The following AMOTL1 variants were observed in gnomAD, a reference collection of about 807,000 sequenced individuals.
AMOTL1 encodes the protein angiomotin-like protein 1.
In AMOTL1, 45 loss-of-function variants were observed where a neutral mutation model predicts 102.9. The observed-to-expected ratio is 0.44, with a 90% CI of 0.34 to 0.56. AMOTL1 has a LOEUF of 0.56. Among genes scored for constraint, AMOTL1 ranks in the 20% least tolerant of loss-of-function variants. The pLI, the probability that AMOTL1 is intolerant of heterozygous loss-of-function variation, is 0.01. For missense variants in AMOTL1, 1,114 were observed against 1,225.6 expected (o/e 0.91, Z 1.36); for synonymous variants, 481 against 484.7 (o/e 0.99, Z 0.10).
Position 94,859,615 on chromosome 11 carries a change from G to A in AMOTL1, c.2035G>A (p.Ala679Thr), listed in dbSNP as rs200136415. Reference protein sequence around the residue: ...LVREKEERILALEADMTKWEQ... With the variant: ...LVREKEERILTLEADMTKWEQ... ...GCGGGAGAAGGAGGAGCGGATCCTGGCCCTGGAGGCCGACATGACAAAGTG... is the reference window on the plus strand; with the variant it reads ...GCGGGAGAAGGAGGAGCGGATCCTGACCCTGGAGGCCGACATGACAAAGTG... Residue 679 changes from alanine to threonine, a missense_variant, in exon 9 of 13, where the codon GCC becomes ACC. Ala to Thr is a moderately conservative substitution (Grantham distance 58). Coordinates refer to ENST00000433060, the MANE Select transcript of AMOTL1 (RefSeq NM_130847.3). 1.7e-4 allele frequency: 269 copies of A among 1,613,730 alleles called. 6 individuals carry two copies. In the Middle Eastern group the frequency reaches 7.7e-3, roughly 46 times the overall value.
chr11:94,741,305 A>G (rs1485186779), intron 3 of AMOTL1, among the ~76,000 whole-genome samples: 1 of 152,106 alleles, frequency 6.6e-6, no homozygotes, highest in Non-Finnish European at 1.5e-5. Context: ...AGCCTGGCAC[A>G]GCAAACTTCC....
At chr11:94,713,805 T>C (rs1210499492) in intron 1 of AMOTL1, among the ~76,000 whole-genome samples, 1 of 151,932 alleles carries the variant, frequency 6.6e-6, no homozygotes, top group Non-Finnish European at 1.5e-5. Flanking sequence ...CTTTGGTAAA[T>C]TCCTTGGGAT....
chr11:94,860,838 G>T (rs1004795588), intron 9 of AMOTL1, among the ~76,000 whole-genome samples: 1 of 152,166 alleles, frequency 6.6e-6, no homozygotes, highest in Admixed American at 6.6e-5. Context: ...CTTGGGATGG[G>T]TTACTATATT....
intron 1 of AMOTL1, among the ~76,000 whole-genome samples, chr11:94,780,866 C>T (rs1237328185): frequency 1.3e-5 from 2 of 152,184 alleles, no homozygotes; most frequent in African/African-American, 4.8e-5. Flanking sequence ...GTTTAAAAAG[C>T]AGATTTGCCA....
rs994569443 is a variant in AMOTL1, at chr11:94,865,950, A to G, written c.2270A>G (p.Asn757Ser). 3 of 1,613,030 alleles carry G rather than the reference A, an allele frequency of 1.9e-6. No individual in the cohort carries two copies. The African/African-American group carries it at 4.0e-5, about 22-fold the overall frequency. ...RCQDMEYTIK[N>S]LHAKIIEKDA... ...TTTGTTTTGTTTTACAGTATTAAAA[A>G]TCTCCATGCCAAAATCATAGAGAAA... Residue 757 changes from asparagine to serine, a missense_variant, in exon 11 of 13, where the codon AAT (asparagine) becomes AGT (serine). Coordinates refer to ENST00000433060, the MANE Select transcript of AMOTL1 (RefSeq NM_130847.3).
chr11:94,821,880 T>C (rs1046037657), intron 4 of AMOTL1, 59 bp downstream of exon 4: 14 of 1,579,926 alleles, frequency 8.9e-6, no homozygotes, highest in Admixed American at 1.7e-5. Context: ...TCATGGGGAG[T>C]TGATGCACTG....
intron 3 of AMOTL1, among the ~76,000 whole-genome samples, chr11:94,759,891 C>G (rs180763106): frequency 6.6e-6 from 1 of 152,244 alleles, no homozygotes; most frequent in East Asian, 1.9e-4. Flanking sequence ...GAAATATAGG[C>G]CCTCAAATAT....
At chr11:94,855,536 AT>A (rs1952644831) in intron 8 of AMOTL1, among the ~76,000 whole-genome samples, 1 of 152,126 alleles carries the variant, frequency 6.6e-6, no homozygotes, top group South Asian at 2.1e-4. Flanking sequence ...GTAGACACTG[AT>A]TAGTCTTTCT....
At chr11:94,745,293 C>T (rs1950577225) in intron 3 of AMOTL1, among the ~76,000 whole-genome samples, 2 of 149,836 alleles carry the variant, frequency 1.3e-5, no homozygotes, top group South Asian at 2.2e-4. Flanking sequence ...GTTCCCCACT[C>T]TGTGTCCAAG....
At chr11:94,719,676 G>C (rs971742306) in intron 1 of AMOTL1, among the ~76,000 whole-genome samples, 3 of 151,984 alleles carry the variant, frequency 2.0e-5, no homozygotes, top group African/African-American at 7.2e-5. Flanking sequence ...CTAGGGAGTG[G>C]AACCATTGGG....
intron 3 of AMOTL1, among the ~76,000 whole-genome samples, chr11:94,805,843 T>C (rs544689663): frequency 6.6e-6 from 1 of 152,300 alleles, no homozygotes; most frequent in Admixed American, 6.5e-5. Context: ...TATAAGATGA[T>C]GTCAAAGCCA....
At chr11:94,812,852 C>T (rs998986498) in intron 3 of AMOTL1, among the ~76,000 whole-genome samples, 22 of 152,024 alleles carry the variant, frequency 1.4e-4, no homozygotes, top group Non-Finnish European at 3.1e-4. Flanking sequence ...TGATCTCAAC[C>T]ACTGGGTCGC....
intron 3 of AMOTL1, among the ~76,000 whole-genome samples, chr11:94,752,128 A>G (rs1034742443): frequency 3.9e-5 from 6 of 152,088 alleles, no homozygotes; most frequent in African/African-American, 1.4e-4. Flanking sequence ...TGGACACATT[A>G]AATTAATTTG....
intron 6 of AMOTL1, among the ~76,000 whole-genome samples, chr11:94,844,840 C>G (rs897431574): frequency 3.3e-5 from 5 of 152,158 alleles, no homozygotes; most frequent in Non-Finnish European, 5.9e-5. Context: ...CTATGTTTTA[C>G]CTACCAAGCA....
At chr11:94,768,338 A>C, upstream of AMOTL1, 2 of 1,342,008 alleles carry the variant, frequency 1.5e-6, no homozygotes. Flanking sequence ...GGGAGCGGGG[A>C]GCGCGGACGG....
At chr11:94,847,893 C>A (rs1313676683) in intron 6 of AMOTL1, among the ~76,000 whole-genome samples, 3 of 152,124 alleles carry the variant, frequency 2.0e-5, no homozygotes, top group Non-Finnish European at 4.4e-5. Flanking sequence ...TATTCTTGAG[C>A]TCAGACTATC....
At chr11:94,791,431 T>A (rs565303299) in intron 1 of AMOTL1, among the ~76,000 whole-genome samples, 20 of 152,210 alleles carry the variant, frequency 1.3e-4, no homozygotes, top group African/African-American at 4.8e-4. Context: ...TTTGCCACTT[T>A]CCCTATGCAT....
chr11:94,869,093 A>G, intron 11 of AMOTL1, 105 bp from the exon 12 acceptor site: 1 of 1,280,750 alleles, frequency 7.8e-7, no homozygotes, highest in East Asian at 2.6e-5. Context: ...GAATCAATGA[A>G]TGAATGAAGC....
Position 94,721,307 on chromosome 11 carries a change from T to C in AMOTL1, c.-50-7614T>C, listed in dbSNP as rs576193289. On this transcript the variant is annotated intron_variant, in intron 1 of 4. Transcript: ENST00000299004. ...TTTCAATAATAATGTTTTATTCTGA[T>C]TGTGTGTTAAAATAGTATTGTGACT... is the stretch of plus-strand genomic sequence containing the variant. Among the ~76,000 whole-genome samples, 18 of 152,234 alleles carry C rather than the reference T, an allele frequency of 1.2e-4. No homozygotes were observed. The East Asian group carries it at 2.7e-3, about 23-fold the overall frequency.
Sources: gnomAD v4.1 joint callset for allele counts (sites outside exome capture counted in the v4.1 genomes callset) on GRCh38, gnomAD v4.1.1 for gene constraint, MANE v1.5 for transcripts, NCBI Gene and HGNC (gene_info 2026-07-23, HGNC 2026-07-21) for gene names.